Variants in RPRD1A observed in about 807,000 individuals in gnomAD.
RPRD1A encodes the protein regulation of nuclear pre-mRNA domain-containing protein 1A.
RPRD1A carries 9 observed loss-of-function variants against 37.8 expected under a neutral mutation model. The observed-to-expected ratio is 0.24, with a 90% confidence interval of 0.14 to 0.42. RPRD1A has a LOEUF of 0.42. Ranked by LOEUF, RPRD1A falls within the 10% of genes least tolerant of loss-of-function variation. RPRD1A has a pLI of 1.00. For synonymous variants in RPRD1A, 138 were observed against 139.7 expected, an observed-to-expected ratio of 0.99 and a Z score of 0.08; for missense variants, 255 against 371.0, an observed-to-expected ratio of 0.69 and a Z score of 2.57.
In RPRD1A at chr18:36,027,233, A is replaced by G. The variant is rs769798186; in HGVS notation, c.564T>C (p.Ala188=). Residue 188 remains alanine, a synonymous_variant, in exon 5 of 7, where the codon GCT becomes GCC. Coordinates refer to ENST00000399022, the MANE Select transcript of RPRD1A (RefSeq NM_018170.5). ...CTTCTTGGACTTCAACAGGTAAAGA[A>G]GCTATCCTCTGATGAACTGCTGCAT... ...SGDAAVHQRI[A]SLPVEVQEVS... is the part of the protein sequence containing the mutation. 5 of 1,613,690 alleles carry G rather than the reference A, an allele frequency of 3.1e-6. No homozygotes were observed. The highest frequency in any genetic ancestry group is 4.2e-6 in the Non-Finnish European group (5 of 1,179,596).
chr18:36,014,542 T>C (rs1388214828), intron 6 of RPRD1A, among the ~76,000 whole-genome samples: 1 of 152,108 alleles, frequency 6.6e-6, no homozygotes, highest in Non-Finnish European at 1.5e-5. Context: ...ATCGAGACCA[T>C]CCTGGCTAAC....
At chr18:36,037,456 C>T (rs1218229946) in intron 1 of RPRD1A, among the ~76,000 whole-genome samples, 1 of 152,186 alleles carries the variant, frequency 6.6e-6, no homozygotes, top group African/African-American at 2.4e-5. Flanking sequence ...CTGAGGTCTC[C>T]CCAGCCCTGA....
rs1472921478 is a variant in RPRD1A, at chr18:36,040,903, C to T, written c.152-7066G>A. 5.8e-6 allele frequency: 7 copies of T among 1,212,372 alleles called. No homozygotes were observed. In the Admixed American group the frequency reaches 9.6e-5, roughly 17 times the overall value. The allele number at this position is 1,212,372 out of a possible 1,614,324, so 75.1% of individuals were successfully genotyped here. ...AATTAACAAGAAAATATTTACTACACCTTCTAGAATTAAATAGTTCTTTAC... is the reference window on the plus strand; with the variant it reads ...AATTAACAAGAAAATATTTACTACATCTTCTAGAATTAAATAGTTCTTTAC... On this transcript the variant is annotated intron_variant, in intron 1 of 6. Coordinates refer to ENST00000399022, the MANE Select transcript of RPRD1A (RefSeq NM_018170.5).
intron 6 of RPRD1A, among the ~76,000 whole-genome samples, chr18:36,017,621 A>C (rs1462951406): frequency 6.6e-6 from 1 of 152,264 alleles, no homozygotes; most frequent in Non-Finnish European, 1.5e-5. Flanking sequence ...CAGTTTATTA[A>C]GGACTTCGTC....
intron 1 of RPRD1A, among the ~76,000 whole-genome samples, chr18:36,064,903 G>A (rs544040493): frequency 6.0e-5 from 9 of 149,438 alleles, no homozygotes; most frequent in East Asian, 3.9e-4. Flanking sequence ...GCGAGACCAC[G>A]AATCCACCGA....
rs1338877755 is a variant in RPRD1A, at chr18:36,042,934, C to A, written c.152-9097G>T. Among the ~76,000 whole-genome samples, 3 of 152,164 alleles carry A rather than the reference C, an allele frequency of 2.0e-5. No homozygotes were observed. The East Asian group carries it at 5.8e-4, about 29-fold the overall frequency. On this transcript the variant is annotated intron_variant, in intron 1 of 6. Transcript: ENST00000399022. ...TACCTTCTTCACCTTGCAAATTTTACTTCTAAGAATTTATCCTATGGATAT... is the reference window on the plus strand; with the variant it reads ...TACCTTCTTCACCTTGCAAATTTTAATTCTAAGAATTTATCCTATGGATAT...
chr18:36,039,719 A>T (rs989528771), intron 1 of RPRD1A, among the ~76,000 whole-genome samples: 1 of 152,228 alleles, frequency 6.6e-6, no homozygotes, highest in Admixed American at 6.5e-5. Flanking sequence ...CTGAATTTAA[A>T]ACTACAGTAG....
intron 1 of RPRD1A, among the ~76,000 whole-genome samples, chr18:36,064,650 CGGACCAATCAGCTCTCTGTAAAAT>C (rs1172508752): frequency 4.6e-5 from 7 of 152,126 alleles, no homozygotes; most frequent in Non-Finnish European, 1.5e-5. Flanking sequence ...TCTGTCAAAA[CGGACCAATCAGCTCTCTGTAAAAT>C]GGACCAATCA....
intron 4 of RPRD1A, chr18:36,027,745 A>G (rs1175412397): frequency 1.3e-5 from 2 of 154,626 alleles, no homozygotes; most frequent in African/African-American, 4.8e-5. Flanking sequence ...TATTATGGAA[A>G]GAGGGTTACA....
intron 6 of RPRD1A, among the ~76,000 whole-genome samples, chr18:36,020,433 C>T (rs924211192): frequency 6.6e-6 from 1 of 152,078 alleles, no homozygotes; most frequent in Non-Finnish European, 1.5e-5. Flanking sequence ...TGGCCTTGGA[C>T]AGAAGGCTTA....
chr18:36,023,130 G>A (rs774999777), intron 6 of RPRD1A, among the ~76,000 whole-genome samples: 3 of 152,168 alleles, frequency 2.0e-5, no homozygotes, highest in Admixed American at 1.3e-4. Context: ...AATACATTTC[G>A]TAAGGCTATA....
intron 1 of RPRD1A, among the ~76,000 whole-genome samples, chr18:36,043,224 A>G (rs1415358789): frequency 6.6e-6 from 1 of 150,696 alleles, no homozygotes; most frequent in Non-Finnish European, 1.5e-5. Context: ...GGGAGTTACC[A>G]ACAAAGAATT....
intron 6 of RPRD1A, among the ~76,000 whole-genome samples, chr18:36,009,892 CCA>C (rs1018307716): frequency 2.8e-4 from 43 of 152,168 alleles, no homozygotes; most frequent in Non-Finnish European, 1.2e-4. Context: ...CTCTGTAACT[CCA>C]CAGTGCACCC....
intron 2 of RPRD1A, 117 bp from the exon 3 acceptor site, chr18:36,031,214 G>C: frequency 8.0e-7 from 1 of 1,252,536 alleles, no homozygotes; most frequent in Admixed American, 3.4e-5. Context: ...GGAAAAAACT[G>C]TCCAAATGTC....
intron 6 of RPRD1A, among the ~76,000 whole-genome samples, chr18:36,018,430 C>T (rs1025319720): frequency 1.3e-5 from 2 of 152,182 alleles, no homozygotes; most frequent in Admixed American, 6.5e-5. Context: ...CCCGCCACCA[C>T]GCCCAACTAA....
chr18:36,049,487 C>T (rs1913216031), intron 1 of RPRD1A, among the ~76,000 whole-genome samples: 1 of 152,098 alleles, frequency 6.6e-6, no homozygotes, highest in African/African-American at 2.4e-5. Flanking sequence ...GAAGAAAATT[C>T]ATGTATACAT....
At chr18:36,059,020 T>C (rs1035057507) in intron 1 of RPRD1A, among the ~76,000 whole-genome samples, 1 of 152,246 alleles carries the variant, frequency 6.6e-6, no homozygotes, top group African/African-American at 2.4e-5. Flanking sequence ...AAAAATGTTA[T>C]GTTACGATAA....
At chr18:36,036,556 C>A (rs1912208070) in intron 1 of RPRD1A, among the ~76,000 whole-genome samples, 1 of 152,166 alleles carries the variant, frequency 6.6e-6, no homozygotes, top group Admixed American at 6.5e-5. Context: ...ACTATTTTCA[C>A]TTTTATCTTT....
intron 1 of RPRD1A, among the ~76,000 whole-genome samples, chr18:36,066,433 A>G (rs1457689789): frequency 2.6e-5 from 4 of 152,254 alleles, no homozygotes; most frequent in African/African-American, 9.6e-5. Flanking sequence ...ACTCTACCCA[A>G]TGAATTAAGA....
Sources: gnomAD v4.1 joint callset for allele counts (sites outside exome capture counted in the v4.1 genomes callset) on GRCh38, gnomAD v4.1.1 for gene constraint, MANE v1.5 for transcripts, NCBI Gene and HGNC (gene_info 2026-07-23, HGNC 2026-07-21) for gene names.